CNPY1: variants seen among roughly 807,000 people sequenced by gnomAD.
CNPY1 encodes the protein canopy FGF signaling regulator 1.
In CNPY1, 14 loss-of-function variants were observed where a neutral mutation model predicts 14.4. The observed-to-expected ratio is 0.97, with a 90% CI of 0.64 to 1.52. CNPY1 has a LOEUF of 1.52. Ranked by LOEUF, CNPY1 falls within the 40% of genes most tolerant of loss-of-function variation. The pLI, the probability that CNPY1 is intolerant of heterozygous loss-of-function variation, is 0.00. For missense variants in CNPY1, 129 were observed against 131.5 expected, an observed-to-expected ratio of 0.98 and a Z score of 0.09; for synonymous variants, 43 against 46.5, an observed-to-expected ratio of 0.92 and a Z score of 0.31.
At chr7:155,540,144 T>C (rs1297875184) in intron 2 of CNPY1, among the ~76,000 whole-genome samples, 1 of 152,186 alleles carries the variant, frequency 6.6e-6, no homozygotes, top group Non-Finnish European at 1.5e-5. Context: ...TGTATTTCTT[T>C]TGGAAAGAAG....
chr7:155,539,588 T>C (rs1797060990), intron 2 of CNPY1, among the ~76,000 whole-genome samples: 1 of 152,096 alleles, frequency 6.6e-6, no homozygotes, highest in Non-Finnish European at 1.5e-5. Flanking sequence ...TAGTACATAA[T>C]GGGATGGGGT....
At position 155,501,681 on chromosome 7, in the gene CNPY1, G is replaced by T. The variant is rs1302742835; in HGVS notation, c.*1387C>A. On this transcript the variant is annotated 3_prime_UTR_variant, in exon 5 of 5. Coordinates refer to ENST00000636446, the MANE Select transcript of CNPY1 (RefSeq NM_001393663.1). ...TTGTCCTACCCTACTGGAAAATAGT[G>T]TTAATTATTATTCAGTTCTATTTCC... 4.6e-5 allele frequency: 7 copies of T among 152,324 alleles called. No homozygotes were observed. In the East Asian group the frequency reaches 1.2e-3, roughly 25 times the overall value. The allele number at this position is 152,324 out of a possible 1,614,324, so 9.4% of individuals were successfully genotyped here. A position where few individuals can be genotyped will look rare whatever the true frequency, so the allele number is the denominator to read the frequency against.
intron 2 of CNPY1, among the ~76,000 whole-genome samples, chr7:155,518,001 G>A (rs1796654054): frequency 6.6e-6 from 1 of 152,206 alleles, no homozygotes; most frequent in Non-Finnish European, 1.5e-5. Flanking sequence ...TGAGGAGCAG[G>A]AGGAGGGACA....
chr7:155,508,389 A>G (rs932493572), intron 3 of CNPY1, among the ~76,000 whole-genome samples: 1 of 152,202 alleles, frequency 6.6e-6, no homozygotes, highest in Non-Finnish European at 1.5e-5. Context: ...AGCCTTAGAA[A>G]AAAAGAGGTG....
intron 2 of CNPY1, among the ~76,000 whole-genome samples, chr7:155,538,949 C>T (rs896608461): frequency 2.6e-5 from 4 of 152,174 alleles, no homozygotes; most frequent in African/African-American, 7.2e-5. Flanking sequence ...GAATGCTGAT[C>T]CAAAGGAGAC....
chr7:155,542,460 G>A (rs1019409499), intron 2 of CNPY1, among the ~76,000 whole-genome samples: 6 of 152,220 alleles, frequency 3.9e-5, no homozygotes, highest in African/African-American at 1.4e-4. Context: ...GCCCTTCGGG[G>A]CTCACCCAAG....
chr7:155,508,213 T>C (rs1422838871), intron 3 of CNPY1, among the ~76,000 whole-genome samples: 1 of 152,246 alleles, frequency 6.6e-6, no homozygotes, highest in Non-Finnish European at 1.5e-5. Flanking sequence ...CAACGTATTT[T>C]GCCAAGCATA....
intron 2 of CNPY1, among the ~76,000 whole-genome samples, chr7:155,520,078 G>A (rs570576272): frequency 7.9e-5 from 12 of 152,306 alleles, no homozygotes; most frequent in South Asian, 6.2e-4. Context: ...CTAGGTCGCC[G>A]TAGGTATACA....
intron 2 of CNPY1, among the ~76,000 whole-genome samples, chr7:155,542,612 C>T (rs1359399691): frequency 6.6e-6 from 1 of 152,192 alleles, no homozygotes; most frequent in African/African-American, 2.4e-5. Flanking sequence ...GCGGGGTCCC[C>T]ACATATCCCG....
intron 3 of CNPY1, 64 bp downstream of exon 3, chr7:155,508,830 C>G: frequency 6.4e-7 from 1 of 1,556,056 alleles, no homozygotes. Flanking sequence ...TAGAAAACAA[C>G]AAAAAAGAGT....
intron 2 of CNPY1, among the ~76,000 whole-genome samples, chr7:155,512,484 G>C (rs772261690): frequency 2.0e-5 from 3 of 152,166 alleles, no homozygotes; most frequent in Non-Finnish European, 4.4e-5. Context: ...GGGGTGGGGA[G>C]ATACCCATAG....
intron 2 of CNPY1, among the ~76,000 whole-genome samples, chr7:155,509,310 T>A (rs972514545): frequency 6.6e-6 from 1 of 152,184 alleles, no homozygotes; most frequent in Non-Finnish European, 1.5e-5. Flanking sequence ...AATTCCAGTT[T>A]TTTAAAAGTG....
rs372250458 is a variant in CNPY1, at chr7:155,539,426, C to T, written c.99+6405G>A. 8.5e-5 allele frequency among the ~76,000 whole-genome samples: 13 copies of T among 152,280 alleles called. 1 individual carries two copies. The South Asian group carries it at 2.7e-3, about 32-fold the overall frequency. On this transcript the variant is annotated intron_variant, in intron 2 of 4. Coordinates refer to ENST00000636446, the MANE Select transcript of CNPY1 (RefSeq NM_001393663.1). ...ATGCCACTACACGGATTTCATGGCC[C>T]TCTAGCGAGTAGGAAAATTGCTGAT...
chr7:155,522,754 G>T (rs1004015564), intron 2 of CNPY1, among the ~76,000 whole-genome samples: 3 of 152,196 alleles, frequency 2.0e-5, no homozygotes, highest in African/African-American at 4.8e-5. Flanking sequence ...CTTACAGCAC[G>T]CTAGTCACGC....
intron 2 of CNPY1, among the ~76,000 whole-genome samples, chr7:155,513,288 G>A (rs76836018): frequency 4.1e-4 from 63 of 152,256 alleles, no homozygotes; most frequent in Non-Finnish European, 7.5e-4. Flanking sequence ...GCATCTGGAC[G>A]TAATAAGAGA....
intron 2 of CNPY1, among the ~76,000 whole-genome samples, chr7:155,520,530 C>G (rs1796701353): frequency 6.7e-6 from 1 of 148,916 alleles, no homozygotes; most frequent in South Asian, 2.2e-4. Context: ...CTCCGCCTCC[C>G]CAGTTCAAGT....
chr7:155,545,460 A>C (rs1459624668), intron 2 of CNPY1, among the ~76,000 whole-genome samples: 1 of 152,218 alleles, frequency 6.6e-6, no homozygotes, highest in African/African-American at 2.4e-5. Context: ...CACATCTTGC[A>C]GTGGGGGAGG....
At chr7:155,534,750 C>T (rs1197085588) in intron 2 of CNPY1, among the ~76,000 whole-genome samples, 2 of 152,212 alleles carry the variant, frequency 1.3e-5, no homozygotes, top group African/African-American at 4.8e-5. Flanking sequence ...CTCCGGCCTC[C>T]GGTGAAGGCC....
rs114255611 is a variant in CNPY1 at position 155,519,462 on chromosome 7, G to A, written c.100-10365C>T. On this transcript the variant is annotated intron_variant, in intron 2 of 4. Transcript: ENST00000636446. ...CCTGAACCCAGGAGGTCAAGGCTGTGGTGGACCGACATCGCACCATTGCAC... is the reference window on the plus strand; with the variant it reads ...CCTGAACCCAGGAGGTCAAGGCTGTAGTGGACCGACATCGCACCATTGCAC... Among the ~76,000 whole-genome samples, 272 of 151,882 alleles carry A rather than the reference G, an allele frequency of 1.8e-3. 3 individuals are homozygous for A. The highest frequency in any genetic ancestry group is 6.2e-3 in the African/African-American group (258 of 41,412).
Sources: gnomAD v4.1 joint callset for allele counts (sites outside exome capture counted in the v4.1 genomes callset) on GRCh38, gnomAD v4.1.1 for gene constraint, MANE v1.5 for transcripts, NCBI Gene and HGNC (gene_info 2026-07-23, HGNC 2026-07-21) for gene names.